Variants in CCDC169 observed in about 807,000 individuals in gnomAD.
CCDC169 encodes coiled-coil domain-containing protein 169.
Under a neutral mutation model 36.0 loss-of-function variants are expected in CCDC169, and 30 were observed. The observed-to-expected ratio is 0.83, with a 90% confidence interval of 0.62 to 1.13. The LOEUF (loss-of-function observed/expected upper bound fraction) is 1.13, where lower values mean the gene tolerates loss of function less well. Ranked by LOEUF, CCDC169 falls within the 50% of genes most tolerant of loss-of-function variation. CCDC169 has a pLI of 0.00. For missense variants in CCDC169, 245 were observed against 245.9 expected, an observed-to-expected ratio of 1.00 and a Z score of 0.03; for synonymous variants, 85 against 81.5, an observed-to-expected ratio of 1.04 and a Z score of -0.23.
At chr13:36,294,815 C>G (rs576719304) in intron 2 of CCDC169, among the ~76,000 whole-genome samples, 5 of 152,060 alleles carry the variant, frequency 3.3e-5, no homozygotes, top group Non-Finnish European at 7.4e-5. Flanking sequence ...TAGAACAGAA[C>G]AGAACAGGAC....
chr13:36,282,447 C>A, intron 4 of CCDC169: 1 of 985,344 alleles, frequency 1.0e-6, no homozygotes, highest in Non-Finnish European at 1.2e-6. Flanking sequence ...ATCGCTGACT[C>A]CTTGATTAGA....
At chr13:36,286,708 T>C (rs1214356434) in intron 2 of CCDC169, among the ~76,000 whole-genome samples, 1 of 152,110 alleles carries the variant, frequency 6.6e-6, no homozygotes, top group East Asian at 1.9e-4. Context: ...AAACCACCCT[T>C]CGCTCCCTCT....
intron 4 of CCDC169, among the ~76,000 whole-genome samples, chr13:36,274,831 C>G (rs1380618753): frequency 6.6e-6 from 1 of 150,784 alleles, no homozygotes; most frequent in Non-Finnish European, 1.5e-5. Flanking sequence ...AAGTCCCTCA[C>G]CTCTATCCAA....
chr13:36,262,187 G>A (rs1718399821), intron 4 of CCDC169, among the ~76,000 whole-genome samples: 1 of 152,110 alleles, frequency 6.6e-6, no homozygotes, highest in Non-Finnish European at 1.5e-5. Flanking sequence ...CAACACTTCA[G>A]CACATAGTGT....
At chr13:36,250,682 GAAAAC>G (rs1873044040) in intron 6 of CCDC169, among the ~76,000 whole-genome samples, 1 of 152,202 alleles carries the variant, frequency 6.6e-6, no homozygotes, top group South Asian at 2.1e-4. Flanking sequence ...TTTTAGCTTA[GAAAAC>G]AAAACAAAAC....
At chr13:36,240,235 A>T (rs561445709) in intron 7 of CCDC169, among the ~76,000 whole-genome samples, 2 of 152,028 alleles carry the variant, frequency 1.3e-5, no homozygotes, top group South Asian at 2.1e-4. Context: ...GTCTATCTGG[A>T]CTATCTCTTG....
At chr13:36,237,965 G>T (rs1451552549) in intron 7 of CCDC169, among the ~76,000 whole-genome samples, 1 of 152,114 alleles carries the variant, frequency 6.6e-6, no homozygotes, top group Non-Finnish European at 1.5e-5. Flanking sequence ...GTTTTTGTAA[G>T]CGCACTCTGA....
At chr13:36,270,360 C>T (rs528104532) in intron 4 of CCDC169, among the ~76,000 whole-genome samples, 3 of 152,140 alleles carry the variant, frequency 2.0e-5, no homozygotes, top group African/African-American at 7.2e-5. Context: ...GCAATGCATA[C>T]ATTCAATGCA....
At chr13:36,259,245 G>A (rs1015342670) in intron 4 of CCDC169, among the ~76,000 whole-genome samples, 1 of 152,174 alleles carries the variant, frequency 6.6e-6, no homozygotes, top group African/African-American at 2.4e-5. Flanking sequence ...ATTGGTCCCT[G>A]TCTCCCCCTC....
chr13:36,285,055 C>A lies in CCDC169; in HGVS notation c.164-1353G>T, dbSNP rs562049309. Among the ~76,000 whole-genome samples the A allele has an allele frequency of 2.6e-5, 4 of 152,290 alleles. No homozygotes were observed. In the South Asian group the frequency reaches 8.3e-4, roughly 32 times the overall value. On this transcript the variant is annotated intron_variant, in intron 2 of 7. Coordinates refer to ENST00000239859, the MANE Select transcript of CCDC169 (RefSeq NM_001144981.3). ...TGTATGGAATCATCTTTATAACTTG[C>A]TACCTAAAGTCTCCCTTTGTCATGG...
At chr13:36,264,792 T>C (rs1875066512) in intron 4 of CCDC169, among the ~76,000 whole-genome samples, 1 of 152,180 alleles carries the variant, frequency 6.6e-6, no homozygotes, top group South Asian at 2.1e-4. Flanking sequence ...CTCTTATGTG[T>C]CAGGCATTGT....
At chr13:36,256,257 A>G (rs982747732) in intron 4 of CCDC169, among the ~76,000 whole-genome samples, 2 of 152,108 alleles carry the variant, frequency 1.3e-5, no homozygotes, top group African/African-American at 4.8e-5. Flanking sequence ...TCACTGTTTT[A>G]GTTCGTTCTC....
rs143491352 is a variant in CCDC169, at chr13:36,297,771, A to T, written c.-52T>A. 18,760 of 1,506,682 alleles carry T rather than the reference A, an allele frequency of 0.012. 152 individuals are homozygous for T. The highest frequency in any genetic ancestry group is 0.016 in the Non-Finnish European group (17,416 of 1,110,426). 93.3% of individuals were successfully genotyped at this position (1,506,682 alleles called of 1,614,324 possible). A position where few individuals can be genotyped will look rare whatever the true frequency, so the allele number is the denominator to read the frequency against. ...CTTTCCCCTCAGCACCTTAGAGCAC[A>T]AGACATTAAGGGCCACCCAGAAGCC... On this transcript the variant is annotated 5_prime_UTR_variant, in exon 1 of 8. Transcript: ENST00000239859.
intron 4 of CCDC169, chr13:36,282,273 G>T: frequency 4.1e-6 from 3 of 730,048 alleles, no homozygotes; most frequent in Non-Finnish European, 5.0e-6. Context: ...TTAACAGGAA[G>T]CCAAAAATAT....
At chr13:36,278,514 T>C (rs1877112201) in intron 4 of CCDC169, among the ~76,000 whole-genome samples, 1 of 152,192 alleles carries the variant, frequency 6.6e-6, no homozygotes, top group Non-Finnish European at 1.5e-5. Flanking sequence ...GCCTGAACTC[T>C]GGACAACGTG....
At chr13:36,268,090 A>G (rs1040615691) in intron 4 of CCDC169, among the ~76,000 whole-genome samples, 1 of 152,214 alleles carries the variant, frequency 6.6e-6, no homozygotes, top group African/African-American at 2.4e-5. Flanking sequence ...TCAACAAACA[A>G]TGAACTTAAA....
chr13:36,278,800 G>T lies in CCDC169; in HGVS notation c.315+4669C>A, dbSNP rs563879783. On this transcript the variant is annotated intron_variant, in intron 4 of 7. Coordinates refer to ENST00000239859, the MANE Select transcript of CCDC169 (RefSeq NM_001144981.3). Reference sequence around the variant, plus strand: ...GACTGCATGTGACACTTATGACTTGGTGATCTCTGTTTTCAGAGAAGCAAC... The same window carrying T: ...GACTGCATGTGACACTTATGACTTGTTGATCTCTGTTTTCAGAGAAGCAAC... 3.9e-5 allele frequency among the ~76,000 whole-genome samples: 6 copies of T among 152,140 alleles called. No individual in the cohort carries two copies. In the East Asian group the frequency reaches 1.2e-3, roughly 29 times the overall value.
At chr13:36,229,406 A>G (rs1870177499), downstream of CCDC169, among the ~76,000 whole-genome samples, 1 of 152,164 alleles carries the variant, frequency 6.6e-6, no homozygotes, top group African/African-American at 2.4e-5. Context: ...TCCCTGTGAT[A>G]AGATGTTCAA....
In CCDC169 at chr13:36,236,844, T is replaced by C. The variant is rs964973386; in HGVS notation, c.546-5552A>G. On this transcript the variant is annotated intron_variant, in intron 7 of 7. Transcript: ENST00000239859. The stretch of plus-strand genomic sequence containing the variant: ...AAGAAGATACAGTTGTCCCTCTACA[T>C]CCAAGGGTGATTGGTTCCAGGACCC... Among the ~76,000 whole-genome samples the C allele has an allele frequency of 2.0e-5, 3 of 152,016 alleles. No individual in the cohort carries two copies. In the South Asian group the frequency reaches 6.2e-4, roughly 31 times the overall value.
Sources: allele counts gnomAD v4.1 joint callset (sites outside exome capture counted in the v4.1 genomes callset), GRCh38; gene constraint gnomAD v4.1.1; transcripts MANE v1.5; gene names NCBI Gene and HGNC (gene_info 2026-07-23, HGNC 2026-07-21).